SASH1: variants seen among roughly 807,000 people sequenced by gnomAD.
SASH1 encodes the protein SAM and SH3 domain-containing protein 1.
A neutral mutation model predicts 125.2 loss-of-function variants in SASH1; 44 were observed. The observed-to-expected ratio is 0.35, with a 90% CI of 0.28 to 0.45. The LOEUF (loss-of-function observed/expected upper bound fraction) is 0.45. Ranked by LOEUF, SASH1 falls within the 20% of genes least tolerant of loss-of-function variation. The pLI is 1.00. For synonymous variants in SASH1, 639 were observed against 649.1 expected (o/e 0.98, Z 0.24); for missense variants, 1,426 against 1,614.5 (o/e 0.88, Z 2.00).
chr6:148,262,483 A>G, the SASH1 span, among the ~76,000 whole-genome samples: 4 of 152,140 alleles, frequency 2.6e-5, no homozygotes, highest in Non-Finnish European at 5.9e-5. Context: ...TGACAGTGTC[A>G]AGCCAGGCCA....
At chr6:148,307,090 TTCTTTCTC>T (rs1280528622) in intron 1 of SASH1, among the ~76,000 whole-genome samples, 6 of 119,814 alleles carry the variant, frequency 5.0e-5, no homozygotes, top group South Asian at 2.6e-4. Flanking sequence ...CTTTCTTTCT[TTCTTTCTC>T]TCTCTCTGTC....
the SASH1 span, among the ~76,000 whole-genome samples, chr6:148,199,348 G>T: frequency 3.5e-3 from 524 of 151,638 alleles, no homozygotes; most frequent in South Asian, 8.4e-3. Flanking sequence ...ACTCCAGCCT[G>T]GGCAACAGTG....
chr6:148,227,419 G>A, the SASH1 span, among the ~76,000 whole-genome samples: 7 of 152,102 alleles, frequency 4.6e-5, no homozygotes, highest in African/African-American at 1.7e-4. Flanking sequence ...GTGCAGTGGT[G>A]CAATCTCAGC....
rs34023266 is a variant in SASH1 at position 148,526,046 on chromosome 6, C to CT, written c.1284+711dup. Among the ~76,000 whole-genome samples the CT allele has an allele frequency of 8.8e-3, 478 of 54,150 alleles. 32 individuals carry two copies. Among genetic ancestry groups the CT allele is most frequent in the African/African-American group, 0.023 (329 of 14,360 alleles). 35.5% of individuals were successfully genotyped at this position (54,150 alleles called of 152,430 possible). On this transcript the variant is annotated intron_variant, in intron 11 of 19. Coordinates refer to ENST00000367467, the MANE Select transcript of SASH1 (RefSeq NM_015278.5). Reference sequence around the variant, plus strand: ...TCAGACCCCAAGGGTGAAGGTGAGTCTTTTTTTTTTTTTTTTTTTTTTTTT... The same window carrying CT: ...TCAGACCCCAAGGGTGAAGGTGAGTCTTTTTTTTTTTTTTTTTTTTTTTTTT...
At chr6:148,250,594 AT>A in the SASH1 span, among the ~76,000 whole-genome samples, 4 of 150,692 alleles carry the variant, frequency 2.7e-5, no homozygotes, top group African/African-American at 4.9e-5. Flanking sequence ...AAAAAACTGT[AT>A]TTAAAAAAAA....
At chr6:148,291,442 A>G (rs530528394) in intron 1 of SASH1, among the ~76,000 whole-genome samples, 26 of 152,276 alleles carry the variant, frequency 1.7e-4, no homozygotes, top group African/African-American at 6.3e-4. Context: ...GGACTTTGAG[A>G]TGCCAAGGTG....
At chr6:148,543,366 G>A (rs1713890680) in intron 17 of SASH1, among the ~76,000 whole-genome samples, 1 of 152,126 alleles carries the variant, frequency 6.6e-6, no homozygotes, top group South Asian at 2.1e-4. Context: ...TTTCCACGTC[G>A]ATTGCAGTGG....
intron 2 of SASH1, among the ~76,000 whole-genome samples, chr6:148,399,214 CT>C (rs371374910): frequency 0.014 from 1,461 of 106,526 alleles, 3 homozygotes; most frequent in African/African-American, 0.032. Flanking sequence ...ATTTCAGCTT[CT>C]TTTTTTTTTT....
intron 1 of SASH1, among the ~76,000 whole-genome samples, chr6:148,273,398 A>G (rs1779111383): frequency 6.7e-6 from 1 of 149,866 alleles, no homozygotes; most frequent in African/African-American, 2.5e-5. Context: ...GGTTCAAGCA[A>G]TTCTCCTGCC....
At chr6:148,204,078 T>C in the SASH1 span, among the ~76,000 whole-genome samples, 1 of 152,168 alleles carries the variant, frequency 6.6e-6, no homozygotes, top group Non-Finnish European at 1.5e-5. Context: ...CTGAACCACA[T>C]TCATTATGTG....
At chr6:148,247,986 A>G in the SASH1 span, among the ~76,000 whole-genome samples, 4 of 152,186 alleles carry the variant, frequency 2.6e-5, no homozygotes, top group Admixed American at 6.5e-5. Flanking sequence ...AGACATTGGC[A>G]TATATTTATG....
chr6:148,527,311 A>T lies in SASH1; in HGVS notation c.1285-142A>T, dbSNP rs1029014018. ...ATTTTTAATCAAAGAGATAAATAAT[A>T]GCACTGAGTTAACACAAGAAAAACG... On this transcript the variant is annotated intron_variant, in intron 11 of 19. Transcript: ENST00000367467. 6.1e-6 allele frequency: 4 copies of T among 654,802 alleles called. No homozygotes were observed. The South Asian group carries it at 1.1e-4, about 18-fold the overall frequency. 40.6% of individuals were successfully genotyped at this position (654,802 alleles called of 1,614,324 possible). A position where few individuals can be genotyped will look rare whatever the true frequency, so the allele number is the denominator to read the frequency against.
chr6:148,324,351 A>G (rs1780741131), intron 1 of SASH1, among the ~76,000 whole-genome samples: 1 of 152,088 alleles, frequency 6.6e-6, no homozygotes, highest in Non-Finnish European at 1.5e-5. Context: ...AATTCCACAC[A>G]AGTCAAACTG....
chr6:148,548,270 T>C, intron 19 of SASH1, 25 bp from the exon 20 acceptor site: 1 of 1,592,296 alleles, frequency 6.3e-7, no homozygotes, highest in Non-Finnish European at 8.6e-7. Flanking sequence ...AGCGTTTCTA[T>C]CATATTCTTT....
intron 1 of SASH1, among the ~76,000 whole-genome samples, chr6:148,382,145 T>C (rs78401281): frequency 0.026 from 3,961 of 152,074 alleles, 156 homozygotes; most frequent in African/African-American, 0.089. Flanking sequence ...ACTCTGAAGG[T>C]TGGTGTAGGA....
In SASH1 at chr6:148,544,403, C is replaced by G. The variant is rs747191613; in HGVS notation, c.2933C>G (p.Pro978Arg). The G allele has an allele frequency of 6.2e-7, 1 of 1,614,182 alleles. No individual in the cohort carries two copies. The highest frequency in any genetic ancestry group is 1.1e-5 in the South Asian group (1 of 91,082). ...EGVDAEQRMQPKIPSQPPPVP... is the reference protein window; with the variant it reads ...EGVDAEQRMQRKIPSQPPPVP... ...GTAGATGCTGAGCAGAGAATGCAGC[C>G]CAAAATTCCATCACAGCCTCCACCT... is the stretch of plus-strand genomic sequence containing the variant. Residue 978 changes from proline (P) to arginine (R), a missense_variant, in exon 18 of 20, where the codon CCC (proline) becomes CGC (arginine). Pro to Arg is a moderately radical substitution (Grantham distance 103, BLOSUM62 -2). Around this residue, in one of 3 missense-constraint regions of SASH1, gnomAD observed 634 missense variants for 694.4 expected, o/e 0.91. Transcript: ENST00000367467. The surrounding 1 kb of genome is among the most constrained non-coding windows in gnomAD (Gnocchi z 6.4).
chr6:148,374,552 T>C (rs927277463), intron 1 of SASH1, among the ~76,000 whole-genome samples: 4 of 152,234 alleles, frequency 2.6e-5, no homozygotes, highest in African/African-American at 9.6e-5. Context: ...TTTAGTTCTC[T>C]TAGGCAGAAA....
At chr6:148,395,565 A>T (rs1783917930) in intron 2 of SASH1, among the ~76,000 whole-genome samples, 1 of 152,224 alleles carries the variant, frequency 6.6e-6, no homozygotes. Context: ...AACAGAGATT[A>T]TGATTCACAT....
At chr6:148,432,346 A>G (rs1776098676) in intron 2 of SASH1, among the ~76,000 whole-genome samples, 1 of 152,114 alleles carries the variant, frequency 6.6e-6, no homozygotes, top group Non-Finnish European at 1.5e-5. Flanking sequence ...CTTGGTAAGG[A>G]TCTCTCCGGT....
Sources: gnomAD v4.1 joint callset for allele counts (sites outside exome capture counted in the v4.1 genomes callset) on GRCh38, gnomAD v4.1.1 for gene constraint, gnomAD v4.1.1 regional missense constraint, Gnocchi (gnomAD v3.1) non-coding constraint, MANE v1.5 for transcripts, NCBI Gene and HGNC (gene_info 2026-07-23, HGNC 2026-07-21) for gene names.